MBNL1: variants seen among roughly 807,000 people sequenced by gnomAD.
The protein encoded by MBNL1 is muscleblind-like protein 1.
MBNL1 carries 8 observed loss-of-function variants against 42.2 expected under a neutral mutation model. That is an observed-to-expected ratio of 0.19 (90% CI 0.11 to 0.34). MBNL1 has a LOEUF of 0.34. MBNL1 is among the 10% of genes least tolerant of loss of function. The probability of loss-of-function intolerance (pLI) is 1.00; values close to 1 mark genes in which losing one functional copy is unlikely to be tolerated. For synonymous variants in MBNL1, 169 were observed against 173.9 expected, an observed-to-expected ratio of 0.97 and a Z score of 0.22; for missense variants, 309 against 495.3, an observed-to-expected ratio of 0.62 and a Z score of 3.57.
intron 2 of MBNL1, among the ~76,000 whole-genome samples, chr3:152,358,537 A>T (rs1002164251): frequency 6.6e-6 from 1 of 152,190 alleles, no homozygotes; most frequent in East Asian, 1.9e-4. Flanking sequence ...CTGCAACTAG[A>T]TCTATTTCCT....
chr3:152,325,791 TTC>T (rs1439049837), intron 2 of MBNL1, among the ~76,000 whole-genome samples: 2 of 73,658 alleles, frequency 2.7e-5, no homozygotes, highest in Non-Finnish European at 4.8e-5. Flanking sequence ...TATGAACTCA[TTC>T]TTTTTTTTTT....
At chr3:152,261,216 C>T (rs2036209316) in intron 2 of MBNL1, among the ~76,000 whole-genome samples, 3 of 152,044 alleles carry the variant, frequency 2.0e-5, no homozygotes, top group Non-Finnish European at 2.9e-5. Context: ...GAGTTGCAGC[C>T]GGCCTATCCA....
chr3:152,270,526 T>C (rs1298978791), intron 1 of MBNL1, among the ~76,000 whole-genome samples: 1 of 152,200 alleles, frequency 6.6e-6, no homozygotes, highest in Non-Finnish European at 1.5e-5. Flanking sequence ...GTGTTTCTCC[T>C]TGCTGTTGAG....
intron 2 of MBNL1, among the ~76,000 whole-genome samples, chr3:152,301,240 T>C (rs1420882360): frequency 3.3e-5 from 5 of 152,228 alleles, no homozygotes; most frequent in African/African-American, 1.2e-4. Context: ...TTTTAAAAGA[T>C]AACATAAATA....
At chr3:152,443,632 G>T (rs561945523) in intron 4 of MBNL1, among the ~76,000 whole-genome samples, 7 of 152,078 alleles carry the variant, frequency 4.6e-5, no homozygotes, top group African/African-American at 1.7e-4. Flanking sequence ...TGATGCTAAT[G>T]TTCAGCCAGA....
At chr3:152,284,223 A>G (rs1024299033) in intron 1 of MBNL1, among the ~76,000 whole-genome samples, 2 of 152,086 alleles carry the variant, frequency 1.3e-5, no homozygotes, top group African/African-American at 4.8e-5. Context: ...TTTTCCTAGG[A>G]TAGTAGGGAA....
At chr3:152,347,812 T>A (rs1317881957) in intron 2 of MBNL1, among the ~76,000 whole-genome samples, 2 of 152,150 alleles carry the variant, frequency 1.3e-5, no homozygotes, top group African/African-American at 4.8e-5. Context: ...CTGATACTCA[T>A]CTCTGTGAAA....
chr3:152,306,591 G>T (rs1305210191), intron 2 of MBNL1, among the ~76,000 whole-genome samples: 1 of 152,126 alleles, frequency 6.6e-6, no homozygotes, highest in Non-Finnish European at 1.5e-5. Context: ...TTGCTAGGAA[G>T]TATTTTTTTG....
intron 3 of MBNL1, among the ~76,000 whole-genome samples, chr3:152,424,684 G>A (rs2098882318): frequency 6.6e-6 from 1 of 151,984 alleles, no homozygotes; most frequent in African/African-American, 2.4e-5. Flanking sequence ...CATACTACAA[G>A]GCTACAGTAA....
chr3:152,433,623 G>A (rs964602122), intron 4 of MBNL1, among the ~76,000 whole-genome samples: 4 of 151,806 alleles, frequency 2.6e-5, no homozygotes, highest in Non-Finnish European at 4.4e-5. Flanking sequence ...GGTAGCGGGC[G>A]CCTGTAGTCC....
At chr3:152,267,385 G>C (rs562569758), upstream of MBNL1, 2 of 152,240 alleles carry the variant, frequency 1.3e-5, no homozygotes, top group Non-Finnish European at 2.9e-5. Context: ...CCCTTATGCA[G>C]AATTAATCGG....
intron 2 of MBNL1, among the ~76,000 whole-genome samples, chr3:152,410,626 A>G (rs1329055395): frequency 1.3e-5 from 2 of 152,276 alleles, no homozygotes; most frequent in Admixed American, 6.5e-5. Flanking sequence ...AAGTTTTGCC[A>G]TTAATGGCAA....
At chr3:152,451,568 G>T (rs1723064511) in intron 6 of MBNL1, among the ~76,000 whole-genome samples, 1 of 152,012 alleles carries the variant, frequency 6.6e-6, no homozygotes, top group African/African-American at 2.4e-5. Flanking sequence ...CAGTATTTAT[G>T]TGAAGGATTG....
chr3:152,300,900 T>G, intron 2 of MBNL1: 1 of 979,570 alleles, frequency 1.0e-6, no homozygotes, highest in African/African-American at 1.7e-5. Context: ...ACGCATTTTA[T>G]GGAAAATGTA....
chr3:152,245,808 A>G (rs759864845), intron 2 of MBNL1, among the ~76,000 whole-genome samples: 1 of 152,178 alleles, frequency 6.6e-6, no homozygotes, highest in Non-Finnish European at 1.5e-5. Context: ...ACAAACTCAG[A>G]TGTGAATTGT....
At chr3:152,329,890 A>C (rs1167205495) in intron 2 of MBNL1, among the ~76,000 whole-genome samples, 3 of 151,828 alleles carry the variant, frequency 2.0e-5, no homozygotes, top group African/African-American at 7.3e-5. Flanking sequence ...TATCTGTCAA[A>C]GGAGTACCAA....
chr3:152,365,073 T>C (rs1292758947), intron 2 of MBNL1, among the ~76,000 whole-genome samples: 2 of 152,096 alleles, frequency 1.3e-5, no homozygotes, highest in Admixed American at 6.6e-5. Flanking sequence ...AACCTTAGGA[T>C]AGTTGCAGGT....
At chr3:152,402,691 G>C (rs1338474098) in intron 2 of MBNL1, among the ~76,000 whole-genome samples, 3 of 152,170 alleles carry the variant, frequency 2.0e-5, no homozygotes, top group African/African-American at 7.2e-5. Flanking sequence ...AATGGTAGAA[G>C]ACTAGAGGAG....
At chr3:152,334,316 T>C (rs768605159) in intron 2 of MBNL1, among the ~76,000 whole-genome samples, 2 of 152,200 alleles carry the variant, frequency 1.3e-5, no homozygotes, top group African/African-American at 2.4e-5. Context: ...ATTTAAATTA[T>C]ACAAAAAAAC....
Sources: allele counts gnomAD v4.1 joint callset (sites outside exome capture counted in the v4.1 genomes callset), GRCh38; gene constraint gnomAD v4.1.1; transcripts MANE v1.5; gene names NCBI Gene and HGNC (gene_info 2026-07-23, HGNC 2026-07-21).